The following SENP5 variants were observed in gnomAD, a reference collection of about 807,000 sequenced individuals.
SENP5 encodes SUMO specific peptidase 5.
A neutral mutation model predicts 74.2 loss-of-function variants in SENP5; 21 were observed. The observed-to-expected ratio is 0.28, with a 90% CI of 0.20 to 0.41. SENP5 has a LOEUF of 0.41. SENP5 is among the 10% of genes least tolerant of loss of function. The probability of loss-of-function intolerance (pLI) is 1.00; values close to 1 mark genes in which losing one functional copy is unlikely to be tolerated. For missense variants in SENP5, 717 were observed against 889.1 expected (o/e 0.81, Z 2.46); for synonymous variants, 311 against 312.7 (o/e 0.99, Z 0.06).
chr3:196,910,434 C>T (rs1715077159), intron 6 of SENP5, among the ~76,000 whole-genome samples: 1 of 141,746 alleles, frequency 7.1e-6, no homozygotes, highest in Non-Finnish European at 1.5e-5. Context: ...GCAACCTCCA[C>T]TTCCCGGGTT....
chr3:196,894,653 C>G (rs1465781474), intron 2 of SENP5, among the ~76,000 whole-genome samples: 1 of 151,864 alleles, frequency 6.6e-6, no homozygotes, highest in African/African-American at 2.4e-5. Flanking sequence ...TGCAACCTAC[C>G]ACAGAGTCTC....
intron 2 of SENP5, among the ~76,000 whole-genome samples, 189 bp from the exon 3 acceptor site, chr3:196,899,477 G>A (rs9841412): frequency 0.19 from 29,315 of 152,048 alleles, 3,728 homozygotes; most frequent in South Asian, 0.37. Context: ...GATTGCATTG[G>A]TTAGAGCCTA....
chr3:196,887,528 A>G (rs948478987), intron 2 of SENP5, among the ~76,000 whole-genome samples: 1 of 149,932 alleles, frequency 6.7e-6, no homozygotes, highest in African/African-American at 2.5e-5. Context: ...TTTTTTTAAT[A>G]TAGGAGACGC....
At position 196,932,882 on chromosome 3, in the gene SENP5, G is replaced by A. The variant is rs951927354; in HGVS notation, c.*1959G>A. ...CCTGGCATGCAGAAGAGACAGAATT[G>A]TTCCTGTAAGAAAATCAACGCCGAG... On this transcript the variant is annotated 3_prime_UTR_variant, in exon 10 of 10. Transcript: ENST00000323460. 3 of 151,596 alleles carry A rather than the reference G, an allele frequency of 2.0e-5. No homozygotes were observed. Among genetic ancestry groups the A allele is most frequent in the Non-Finnish European group, 4.4e-5 (3 of 67,950 alleles). 9.4% of individuals were successfully genotyped at this position (151,596 alleles called of 1,614,324 possible).
rs552726071 is a variant in SENP5 at position 196,883,911 on chromosome 3, C to T, written c.-31-1240C>T. On this transcript the variant is annotated intron_variant, in intron 1 of 9. Coordinates refer to ENST00000323460, the MANE Select transcript of SENP5 (RefSeq NM_152699.5). The stretch of plus-strand genomic sequence containing the variant: ...TTCACCATGTTGGCCAGTCTGGTCT[C>T]GAACTCCTGACCTCAGGTAATCCAT... 3.9e-5 allele frequency among the ~76,000 whole-genome samples: 6 copies of T among 152,190 alleles called. No homozygotes were observed. The South Asian group carries it at 8.3e-4, about 21-fold the overall frequency.
At chr3:196,898,798 T>C (rs1714564997) in intron 2 of SENP5, among the ~76,000 whole-genome samples, 2 of 152,258 alleles carry the variant, frequency 1.3e-5, no homozygotes, top group South Asian at 4.1e-4. Flanking sequence ...CATTGGAAGA[T>C]GATTCCATTC....
intron 7 of SENP5, among the ~76,000 whole-genome samples, chr3:196,924,485 G>C (rs1239128932): frequency 6.6e-6 from 1 of 152,164 alleles, no homozygotes; most frequent in Non-Finnish European, 1.5e-5. Context: ...ACAGAGAGGT[G>C]TTCAGCCTTA....
chr3:196,905,274 A>T (rs1224865757), intron 6 of SENP5: 1 of 152,250 alleles, frequency 6.6e-6, no homozygotes, highest in Non-Finnish European at 1.5e-5. Context: ...ACACCACAAC[A>T]GTAGTCAGCA....
At chr3:196,868,878 T>TTTTG (rs1372496623) in intron 1 of SENP5, among the ~76,000 whole-genome samples, 1 of 46,378 alleles carries the variant, frequency 2.2e-5, no homozygotes, top group Non-Finnish European at 4.2e-5. Flanking sequence ...AGGTTCCTAC[T>TTTTG]TATGTTTTTT....
chr3:196,879,768 T>C (rs115302123), intron 1 of SENP5, among the ~76,000 whole-genome samples: 3,329 of 152,286 alleles, frequency 0.022, 46 homozygotes, highest in Non-Finnish European at 0.029. Context: ...TTTTGTTAGT[T>C]GTTATGTTAG....
At chr3:196,897,361 G>A (rs1409528402) in intron 2 of SENP5, among the ~76,000 whole-genome samples, 1 of 152,148 alleles carries the variant, frequency 6.6e-6, no homozygotes, top group Non-Finnish European at 1.5e-5. Flanking sequence ...TAGATTAGAA[G>A]CCCCAAATCT....
intron 2 of SENP5, among the ~76,000 whole-genome samples, chr3:196,894,114 TG>T (rs1463400252): frequency 1.1e-4 from 15 of 131,090 alleles, no homozygotes; most frequent in African/African-American, 2.8e-4. Context: ...GATATTAATG[TG>T]GTTTTTTTTT....
rs146633589 is a variant in SENP5 at position 196,886,165 on chromosome 3, T to A, written c.984T>A (p.Thr328=). The change falls in exon 2 of 10, where the codon ACT becomes ACA. Residue 328 remains threonine (T), a synonymous_variant. Transcript: ENST00000323460. Reference sequence around the variant, plus strand: ...ACTCTCATGTGCCTGATTGCCACACTAAAGGAAGCTCTTTCTTGGGCAAGG... The same window carrying A: ...ACTCTCATGTGCCTGATTGCCACACAAAAGGAAGCTCTTTCTTGGGCAAGG... ...GTNSHVPDCH[T]KGSSFLGKEL... 29 of 1,614,100 alleles carry A rather than the reference T, an allele frequency of 1.8e-5. No homozygotes were observed. The South Asian group carries it at 3.2e-4, about 18-fold the overall frequency.
intron 6 of SENP5, chr3:196,914,382 G>A (rs553335304): frequency 6.6e-5 from 10 of 151,322 alleles, no homozygotes; most frequent in Non-Finnish European, 1.0e-4. Flanking sequence ...TGAGATTGTG[G>A]TTATATAGGA....
intron 1 of SENP5, among the ~76,000 whole-genome samples, chr3:196,876,314 G>C (rs972501926): frequency 6.6e-5 from 10 of 152,106 alleles, no homozygotes; most frequent in Non-Finnish European, 1.3e-4. Flanking sequence ...ATGAGGTCAA[G>C]AGATCGAGAC....
intron 6 of SENP5, among the ~76,000 whole-genome samples, chr3:196,916,361 C>T (rs796109056): frequency 2.0e-4 from 30 of 151,828 alleles, no homozygotes; most frequent in African/African-American, 6.8e-4. Flanking sequence ...TGCAGGAAAA[C>T]ATGACTTCAC....
Position 196,897,176 on chromosome 3 carries a change from T to G in SENP5, c.1514-2490T>G, listed in dbSNP as rs139704650. 1.0e-3 allele frequency among the ~76,000 whole-genome samples: 153 copies of G among 152,200 alleles called. 1 individual carries two copies. Among genetic ancestry groups the G allele is most frequent in the African/African-American group, 3.1e-3 (130 of 41,438 alleles). On this transcript the variant is annotated intron_variant, in intron 2 of 9. Transcript: ENST00000323460. Reference sequence around the variant, plus strand: ...GTTGTGGGGCCTAAAGTTTAATTTTTATTGTTGTTAGGGGTATTATTTTAC... The same window carrying G: ...GTTGTGGGGCCTAAAGTTTAATTTTGATTGTTGTTAGGGGTATTATTTTAC...
intron 1 of SENP5, among the ~76,000 whole-genome samples, chr3:196,874,722 A>G (rs894480572): frequency 1.3e-5 from 2 of 152,190 alleles, no homozygotes; most frequent in African/African-American, 2.4e-5. Flanking sequence ...TCTACTAAAA[A>G]TACAAAATTG....
At chr3:196,911,415 A>C (rs987626516) in intron 6 of SENP5, among the ~76,000 whole-genome samples, 1 of 152,174 alleles carries the variant, frequency 6.6e-6, no homozygotes, top group Non-Finnish European at 1.5e-5. Context: ...GACACTTCGC[A>C]AAAGAAGACA....
Sources: gnomAD v4.1 joint callset for allele counts (sites outside exome capture counted in the v4.1 genomes callset) on GRCh38, gnomAD v4.1.1 for gene constraint, MANE v1.5 for transcripts, NCBI Gene and HGNC (gene_info 2026-07-23, HGNC 2026-07-21) for gene names.